Variants in DLGAP2 observed in about 807,000 individuals in gnomAD.
DLGAP2 encodes DLG associated protein 2.
In DLGAP2, 26 loss-of-function variants were observed where a neutral mutation model predicts 100.3. The ratio of observed to expected loss-of-function variants is 0.26; its 90% CI spans 0.19 to 0.36. DLGAP2 has a LOEUF of 0.36. Ranked by LOEUF, DLGAP2 falls within the 10% of genes least tolerant of loss-of-function variation. The pLI, the probability that DLGAP2 is intolerant of heterozygous loss-of-function variation, is 1.00. For synonymous variants in DLGAP2, 886 were observed against 630.1 expected (o/e 1.41, Z -6.08); for missense variants, 1,858 against 1,453.2 (o/e 1.28, Z -4.53).
chr8:1,026,435 A>G (rs1038334043), intron 2 of DLGAP2, among the ~76,000 whole-genome samples: 2 of 152,050 alleles, frequency 1.3e-5, no homozygotes, highest in Admixed American at 6.5e-5. Context: ...GCACCCTGGA[A>G]TGCCTTGCAC....
At chr8:1,102,013 A>G (rs1804602155) in intron 2 of DLGAP2, among the ~76,000 whole-genome samples, 2 of 152,110 alleles carry the variant, frequency 1.3e-5, no homozygotes, top group South Asian at 2.1e-4. Flanking sequence ...TTATGAACTT[A>G]AAAAAGCAGC....
chr8:1,493,042 G>A (rs974850380), intron 3 of DLGAP2, among the ~76,000 whole-genome samples: 3 of 152,214 alleles, frequency 2.0e-5, no homozygotes, highest in Non-Finnish European at 4.4e-5. Context: ...CTCAGGGGCA[G>A]GCTGCACAGA....
At chr8:1,364,364 C>T (rs1339587156) in intron 3 of DLGAP2, among the ~76,000 whole-genome samples, 1 of 152,154 alleles carries the variant, frequency 6.6e-6, no homozygotes, top group Non-Finnish European at 1.5e-5. Context: ...TCGTCAAGGG[C>T]TGCCACGTGC....
chr8:1,190,489 C>G (rs1248659648), intron 2 of DLGAP2, among the ~76,000 whole-genome samples: 6 of 152,248 alleles, frequency 3.9e-5, no homozygotes, highest in East Asian at 1.9e-4. Flanking sequence ...GGCAATCTTT[C>G]CCGGCAGCAT....
intron 2 of DLGAP2, among the ~76,000 whole-genome samples, chr8:1,089,164 C>T (rs1380937903): frequency 6.6e-6 from 1 of 150,726 alleles, no homozygotes; most frequent in Non-Finnish European, 1.5e-5. Flanking sequence ...CGCTCCCCGG[C>T]CTCACTCTCT....
In DLGAP2 at chr8:1,549,263, C is replaced by G. The variant is rs1801671847; in HGVS notation, c.810C>G (p.His270Gln). 1 of 1,610,976 alleles carries G rather than the reference C, an allele frequency of 6.2e-7. No homozygotes were observed. The change falls in exon 5 of 15, where the codon CAC becomes CAG. Residue 270 changes from histidine to glutamine, a missense_variant. Coordinates refer to ENST00000637795, the MANE Select transcript of DLGAP2 (RefSeq NM_001346810.2). Reference sequence around the variant, plus strand: ...GGGCGGACGACCACCACCACGCCCACCACGCCAAGCACAGCAAGAGGAGCA... The same window carrying G: ...GGGCGGACGACCACCACCACGCCCAGCACGCCAAGCACAGCAAGAGGAGCA... ...DGRADDHHHA[H>Q]HAKHSKRSKS... is the part of the protein sequence containing the mutation.
At chr8:1,323,592 G>A (rs1800955388) in intron 3 of DLGAP2, among the ~76,000 whole-genome samples, 1 of 152,198 alleles carries the variant, frequency 6.6e-6, no homozygotes, top group African/African-American at 2.4e-5. Flanking sequence ...GGCAGCAGCA[G>A]CTCCTGCTGT....
chr8:1,418,057 G>C (rs1001532762), intron 3 of DLGAP2, among the ~76,000 whole-genome samples: 2 of 152,172 alleles, frequency 1.3e-5, no homozygotes, highest in African/African-American at 4.8e-5. Context: ...ATGCCTGCAA[G>C]AATATTGTTA....
intron 5 of DLGAP2, among the ~76,000 whole-genome samples, chr8:1,561,062 C>G (rs191139899): frequency 1.2e-4 from 19 of 152,210 alleles, no homozygotes; most frequent in Non-Finnish European, 2.2e-4. Context: ...GTGGGTCTTT[C>G]CTGTGCTGTT....
At chr8:1,199,211 A>G (rs985003005) in intron 2 of DLGAP2, among the ~76,000 whole-genome samples, 11 of 152,216 alleles carry the variant, frequency 7.2e-5, no homozygotes, top group Non-Finnish European at 8.8e-5. Flanking sequence ...TGAGATTTTA[A>G]TATCTTCACT....
chr8:1,678,944 G>A, intron 12 of DLGAP2: 1 of 304,548 alleles, frequency 3.3e-6, no homozygotes, highest in Non-Finnish European at 6.0e-6. Context: ...TTGAATTTTG[G>A]CAAAAACTTA....
intron 3 of DLGAP2, among the ~76,000 whole-genome samples, chr8:1,370,819 A>C (rs974703935): frequency 6.6e-6 from 1 of 152,182 alleles, no homozygotes; most frequent in African/African-American, 2.4e-5. Context: ...CTGTTTCTTC[A>C]TCATTAAATT....
intron 3 of DLGAP2, among the ~76,000 whole-genome samples, chr8:1,272,662 C>T (rs937635941): frequency 3.9e-5 from 6 of 152,210 alleles, no homozygotes; most frequent in East Asian, 3.9e-4. Context: ...ATGGGAGATT[C>T]GTTTGACAAC....
intron 2 of DLGAP2, among the ~76,000 whole-genome samples, chr8:918,395 C>T (rs907659212): frequency 3.3e-5 from 5 of 152,196 alleles, no homozygotes; most frequent in South Asian, 2.1e-4. Context: ...CAACCTGTGT[C>T]GCTTAGATGG....
chr8:1,066,612 C>G (rs569221982), intron 2 of DLGAP2, among the ~76,000 whole-genome samples: 3 of 146,960 alleles, frequency 2.0e-5, no homozygotes, highest in Non-Finnish European at 3.0e-5. Flanking sequence ...GTGAGGGCAG[C>G]TCCCCACCAC....
chr8:1,507,569 G>A (rs1271239047), intron 4 of DLGAP2, among the ~76,000 whole-genome samples: 2 of 152,154 alleles, frequency 1.3e-5, no homozygotes, highest in Non-Finnish European at 2.9e-5. Context: ...CCAGGGCAGT[G>A]GCTGGCTGAA....
chr8:1,170,245 G>T (rs201467307), intron 2 of DLGAP2, among the ~76,000 whole-genome samples: 1 of 151,950 alleles, frequency 6.6e-6, no homozygotes, highest in Non-Finnish European at 1.5e-5. Context: ...ACTTGTTCAT[G>T]CTGGATAAGC....
At chr8:937,820 T>C (rs886289447) in intron 2 of DLGAP2, among the ~76,000 whole-genome samples, 8 of 152,114 alleles carry the variant, frequency 5.3e-5, no homozygotes, top group African/African-American at 1.9e-4. Flanking sequence ...TTACCGAAAG[T>C]GAAGGAGTGG....
intron 9 of DLGAP2, 105 bp from the exon 10 acceptor site, chr8:1,669,638 C>T (rs1563052975): frequency 1.3e-6 from 1 of 763,668 alleles, no homozygotes; most frequent in South Asian, 1.4e-5. Flanking sequence ...CGGGCCCGTG[C>T]GGCGCTGGTA....
Sources: allele counts gnomAD v4.1 joint callset (sites outside exome capture counted in the v4.1 genomes callset), GRCh38; gene constraint gnomAD v4.1.1; transcripts MANE v1.5; gene names NCBI Gene and HGNC (gene_info 2026-07-23, HGNC 2026-07-21).